NIPAL3: variants seen among roughly 807,000 people sequenced by gnomAD.
NIPAL3 encodes NIPA like domain containing 3, also known as NIPA-like protein 3.
NIPAL3 carries 41 observed loss-of-function variants against 47.2 expected under a neutral mutation model. The ratio of observed to expected loss-of-function variants is 0.87; its 90% CI spans 0.68 to 1.13. The LOEUF is 1.13. NIPAL3 is among the 50% of genes most tolerant of loss of function. The pLI is 0.00. For missense variants in NIPAL3, 449 were observed against 530.1 expected, an observed-to-expected ratio of 0.85 and a Z score of 1.50; for synonymous variants, 194 against 209.6, an observed-to-expected ratio of 0.93 and a Z score of 0.64.
intron 2 of NIPAL3, among the ~76,000 whole-genome samples, chr1:24,421,312 A>G (rs1644319330): frequency 6.6e-6 from 1 of 152,206 alleles, no homozygotes; most frequent in South Asian, 2.1e-4. Context: ...AGATTGCACC[A>G]CTGCACTCCA....
rs559523778 is a variant in NIPAL3 at position 24,450,395 on chromosome 1, T to C, written c.540+769T>C. On this transcript the variant is annotated intron_variant, in intron 6 of 11. Transcript: ENST00000374399. ...AATGTTATTTTATTTTTTTTCCCAG[T>C]ATCACACTGCTGATAGAAGCCCAGG... Among the ~76,000 whole-genome samples the C allele has an allele frequency of 2.4e-4, 36 of 152,310 alleles. No individual in the cohort carries two copies. In the South Asian group the frequency reaches 7.5e-3, roughly 32 times the overall value.
In NIPAL3 at chr1:24,416,497, C is replaced by T; in HGVS notation, c.-258+593C>T. 4.7e-6 allele frequency: 1 copy of T among 213,076 alleles called. No individual in the cohort carries two copies. Among genetic ancestry groups the T allele is most frequent in the Non-Finnish European group, 8.1e-6 (1 of 123,820 alleles). 13.2% of individuals were successfully genotyped at this position (213,076 alleles called of 1,614,324 possible). A position where few individuals can be genotyped will look rare whatever the true frequency, so the allele number is the denominator to read the frequency against. On this transcript the variant is annotated intron_variant, in intron 1 of 11. Coordinates refer to ENST00000374399, the MANE Select transcript of NIPAL3 (RefSeq NM_020448.5). The surrounding 1 kb of genome is among the most constrained non-coding windows in gnomAD (Gnocchi z 4.8). ...CAGACGCTATGAGCCACGGCTGTCT[C>T]ATTTGTAAAACGTGCTCTGTGGGAT...
chr1:24,438,451 C>T (rs939950050), intron 2 of NIPAL3, among the ~76,000 whole-genome samples: 1 of 152,238 alleles, frequency 6.6e-6, no homozygotes, highest in African/African-American at 2.4e-5. Context: ...GTGGGCCTCC[C>T]TCTCGGTCCT....
intron 2 of NIPAL3, among the ~76,000 whole-genome samples, chr1:24,422,930 A>T (rs1644399269): frequency 6.6e-6 from 1 of 152,240 alleles, no homozygotes; most frequent in Non-Finnish European, 1.5e-5. Context: ...TAAGCTCTAG[A>T]TGTTAAATTT....
intron 4 of NIPAL3, among the ~76,000 whole-genome samples, chr1:24,444,428 A>G (rs534762421): frequency 6.6e-6 from 1 of 152,328 alleles, no homozygotes; most frequent in Admixed American, 6.5e-5. Context: ...TTTATATGGT[A>G]TAGACATTAT....
At chr1:24,461,246 C>CA (rs1276896199) in intron 10 of NIPAL3, among the ~76,000 whole-genome samples, 2 of 151,912 alleles carry the variant, frequency 1.3e-5, no homozygotes, top group African/African-American at 2.4e-5. Context: ...ACACATTCAT[C>CA]AAAAAAAATC....
rs556593741 is a variant in NIPAL3, at chr1:24,467,943, A to T, written c.1022-1043A>T. Among the ~76,000 whole-genome samples, 3 of 152,276 alleles carry T rather than the reference A, an allele frequency of 2.0e-5. No homozygotes were observed. The South Asian group carries it at 6.2e-4, about 32-fold the overall frequency. On this transcript the variant is annotated intron_variant, in intron 11 of 11. Transcript: ENST00000374399. ...GTTATTATCATCATAGTTTCATTGCATTCAATTTCTTATGACTCGGCCTGA... is the reference window on the plus strand; with the variant it reads ...GTTATTATCATCATAGTTTCATTGCTTTCAATTTCTTATGACTCGGCCTGA...
chr1:24,452,853 ATTTTTTT>A (rs3054551), intron 6 of NIPAL3, among the ~76,000 whole-genome samples: 11 of 124,216 alleles, frequency 8.9e-5, no homozygotes, highest in African/African-American at 1.6e-4. Flanking sequence ...CGCCCAGCTA[ATTTTTTT>A]TTTTTTTTTT....
chr1:24,453,391 C>T lies in NIPAL3; in HGVS notation c.541-17C>T, dbSNP rs535076184. 59 of 1,606,166 alleles carry T rather than the reference C, an allele frequency of 3.7e-5. No individual in the cohort carries two copies. In the Middle Eastern group the frequency reaches 6.6e-4, roughly 18 times the overall value. ...TCTGTGGTCCCCACTGACCCCCCTG[C>T]TTGCTGCCTTCCACAGCTGGTGGAG... On this transcript the variant is annotated splice_polypyrimidine_tract_variant and intron_variant, in intron 6 of 11. Coordinates refer to ENST00000374399, the MANE Select transcript of NIPAL3 (RefSeq NM_020448.5).
Position 24,454,170 on chromosome 1 carries a change from G to A in NIPAL3, c.637+666G>A, listed in dbSNP as rs1646081542. The A allele has an allele frequency of 8.1e-7, 1 of 1,233,568 alleles. No individual in the cohort carries two copies. The highest frequency in any genetic ancestry group is 3.1e-5 in the Admixed American group (1 of 32,604). 76.4% of individuals were successfully genotyped at this position (1,233,568 alleles called of 1,614,324 possible). A position where few individuals can be genotyped will look rare whatever the true frequency, so the allele number is the denominator to read the frequency against. On this transcript the variant is annotated intron_variant, in intron 7 of 11. Transcript: ENST00000374399. This position sits in a 1 kb window ranked among gnomAD's most constrained non-coding sequence, Gnocchi z 4.1. ...GCCTCCCAAAGTGCCAGGATTACAG[G>A]CATGAGGCCCTGTACCTGGCTAGAA...
intron 8 of NIPAL3, among the ~76,000 whole-genome samples, chr1:24,458,091 C>T: frequency 6.6e-6 from 1 of 152,168 alleles, no homozygotes; most frequent in East Asian, 1.9e-4. Context: ...TCACTGCCCT[C>T]AGGCATTCAC....
At chr1:24,418,982 T>C (rs753402874) in intron 1 of NIPAL3, among the ~76,000 whole-genome samples, 6 of 150,884 alleles carry the variant, frequency 4.0e-5, no homozygotes, top group South Asian at 2.1e-4. Flanking sequence ...TCAAGAGCTA[T>C]GGAAAAAGGG....
At chr1:24,428,738 G>A (rs914239386) in intron 2 of NIPAL3, among the ~76,000 whole-genome samples, 2 of 152,144 alleles carry the variant, frequency 1.3e-5, no homozygotes, top group African/African-American at 4.8e-5. Flanking sequence ...GATTTTCAGC[G>A]AACCTTCCAA....
In NIPAL3 at chr1:24,472,626, C is replaced by T. The variant is rs571866945; in HGVS notation, c.*3441C>T. 4.6e-5 allele frequency: 7 copies of T among 152,210 alleles called. No individual in the cohort carries two copies. The highest frequency in any genetic ancestry group is 1.7e-4 in the African/African-American group (7 of 41,536). 9.4% of individuals were successfully genotyped at this position (152,210 alleles called of 1,614,324 possible). On this transcript the variant is annotated 3_prime_UTR_variant, in exon 12 of 12. Transcript: ENST00000374399. ...GCAGTTTTTGCAGTGTGGAGTTGAA[C>T]GCTGGGTAAAGAAGGGAGAGCTGAC...
At chr1:24,452,459 G>A (rs893684659) in intron 6 of NIPAL3, among the ~76,000 whole-genome samples, 12 of 152,106 alleles carry the variant, frequency 7.9e-5, no homozygotes, top group East Asian at 5.8e-4. Flanking sequence ...ACTGCCTGGC[G>A]TACAAGGAGA....
intron 6 of NIPAL3, among the ~76,000 whole-genome samples, chr1:24,452,310 C>T (rs1004029020): frequency 6.6e-6 from 1 of 152,166 alleles, no homozygotes; most frequent in Non-Finnish European, 1.5e-5. Context: ...GACAGTGTGG[C>T]CTAGCAGGAA....
At chr1:24,466,847 A>G (rs1646719711) in intron 11 of NIPAL3, among the ~76,000 whole-genome samples, 1 of 152,122 alleles carries the variant, frequency 6.6e-6, no homozygotes, top group African/African-American at 2.4e-5. Flanking sequence ...CCCTCCCCCA[A>G]AATCCAAAGC....
At position 24,445,205 on chromosome 1, in the gene NIPAL3, A is replaced by G; in HGVS notation, c.355A>G (p.Ile119Val). The change falls in exon 5 of 12, where the codon ATA becomes GTA. Residue 119 changes from isoleucine (I) to valine (V), a missense_variant. Transcript: ENST00000374399. ...TTCAGCTAGTGCCATCATAGGAATC[A>G]TATTCATCAAGGAAAAGTGGAAACC... ...SVIASAIIGI[I>V]FIKEKWKPKD... 2 of 1,612,248 alleles carry G rather than the reference A, an allele frequency of 1.2e-6. No individual in the cohort carries two copies. The highest frequency in any genetic ancestry group is 1.7e-6 in the Non-Finnish European group (2 of 1,178,296).
chr1:24,467,880 C>G (rs991437232), intron 11 of NIPAL3, among the ~76,000 whole-genome samples: 4 of 152,050 alleles, frequency 2.6e-5, no homozygotes, highest in Middle Eastern at 6.3e-3. Flanking sequence ...GTGCTTTAGC[C>G]CAGTGCCCAG....
Sources: allele counts gnomAD v4.1 joint callset (sites outside exome capture counted in the v4.1 genomes callset), GRCh38; gene constraint gnomAD v4.1.1; non-coding constraint Gnocchi (gnomAD v3.1); transcripts MANE v1.5; gene names NCBI Gene and HGNC (gene_info 2026-07-23, HGNC 2026-07-21).